Variants in SNX7 observed in about 807,000 individuals in gnomAD.
SNX7 encodes sorting nexin 7, also known as sorting nexin-7.
A neutral mutation model predicts 48.4 loss-of-function variants in SNX7; 35 were observed. The ratio of observed to expected loss-of-function variants is 0.72; its 90% CI spans 0.55 to 0.96. The LOEUF (loss-of-function observed/expected upper bound fraction) is 0.96, where lower values mean the gene tolerates loss of function less well. Ranked by LOEUF, SNX7 falls within the 40% of genes least tolerant of loss-of-function variation. SNX7 has a pLI of 0.00. For missense variants in SNX7, 553 were observed against 548.9 expected (o/e 1.01, Z -0.07); for synonymous variants, 190 against 190.2 (o/e 1.00, Z 0.01).
chr1:98,744,999 A>C (rs187470538), intron 8 of SNX7, among the ~76,000 whole-genome samples: 428 of 152,204 alleles, frequency 2.8e-3, no homozygotes, highest in Middle Eastern at 6.8e-3. Flanking sequence ...ACAATACTGG[A>C]ACAATGTTTC....
chr1:98,711,166 G>A (rs192140348), intron 7 of SNX7, among the ~76,000 whole-genome samples: 6 of 152,098 alleles, frequency 3.9e-5, no homozygotes, highest in Admixed American at 6.5e-5. Context: ...ACAGGTACAC[G>A]CCACCACGCC....
chr1:98,684,993 TTCA>T lies in SNX7; in HGVS notation c.293_295del (p.Ile98del). The T allele has an allele frequency of 6.3e-7, 1 of 1,595,862 alleles. No homozygotes were observed. The highest frequency in any genetic ancestry group is 8.5e-7 in the Non-Finnish European group (1 of 1,169,690). On this transcript the variant is annotated inframe_deletion, in exon 2 of 9. Transcript: ENST00000306121. ...GGATGAACCAGATTTAAAGGATCTC[TTCA>T]TCACAGTTGATGAACCTGAAAGTCA...
chr1:98,692,380 G>A (rs1282194009), intron 4 of SNX7, among the ~76,000 whole-genome samples: 1 of 152,028 alleles, frequency 6.6e-6, no homozygotes, highest in African/African-American at 2.4e-5. Context: ...TGAAATGGAG[G>A]GCAATGACAG....
chr1:98,715,924 C>G (rs1652567116), intron 7 of SNX7, among the ~76,000 whole-genome samples: 1 of 152,132 alleles, frequency 6.6e-6, no homozygotes, highest in African/African-American at 2.4e-5. Flanking sequence ...TTCACACACA[C>G]ACACACACGT....
intron 8 of SNX7, among the ~76,000 whole-genome samples, chr1:98,747,376 C>A (rs991637831): frequency 6.6e-6 from 1 of 152,058 alleles, no homozygotes; most frequent in Non-Finnish European, 1.5e-5. Context: ...TTGGAATCTT[C>A]GATAGCAATT....
At chr1:98,750,137 AG>A (rs1654510986) in intron 8 of SNX7, among the ~76,000 whole-genome samples, 1 of 151,958 alleles carries the variant, frequency 6.6e-6, no homozygotes, top group Non-Finnish European at 1.5e-5. Flanking sequence ...TATTATTATT[AG>A]GTAAATGTCT....
At chr1:98,681,029 G>A (rs543311881) in intron 1 of SNX7, among the ~76,000 whole-genome samples, 45 of 152,280 alleles carry the variant, frequency 3.0e-4, no homozygotes, top group African/African-American at 1.1e-3. Context: ...ACATACCTGA[G>A]ACTGGGGCAT....
At chr1:98,702,215 T>G (rs1250639018) in intron 7 of SNX7, among the ~76,000 whole-genome samples, 2 of 152,164 alleles carry the variant, frequency 1.3e-5, no homozygotes, top group Non-Finnish European at 2.9e-5. Context: ...TATTCCAGGC[T>G]AGTAAGTACT....
intron 7 of SNX7, among the ~76,000 whole-genome samples, chr1:98,703,613 G>T (rs1651863234): frequency 6.6e-6 from 1 of 151,770 alleles, no homozygotes; most frequent in South Asian, 2.1e-4. Flanking sequence ...TTTTCTATTT[G>T]ATAAGAAACA....
chr1:98,684,639 C>T (rs986340192), intron 1 of SNX7, among the ~76,000 whole-genome samples: 2 of 152,130 alleles, frequency 1.3e-5, no homozygotes, highest in Non-Finnish European at 1.5e-5. Context: ...GGAACAGAAA[C>T]ATTCAAACCA....
chr1:98,715,610 A>C lies in SNX7; in HGVS notation c.1125+13707A>C, dbSNP rs183568807. On this transcript the variant is annotated intron_variant, in intron 7 of 8. Coordinates refer to ENST00000306121, the MANE Select transcript of SNX7 (RefSeq NM_015976.5). ...TTATTATCATTACTTGTTTTGATGC[A>C]CGAGTTACCCAAATTTGATGAGTGG... Among the ~76,000 whole-genome samples the C allele has an allele frequency of 3.7e-3, 561 of 152,324 alleles. 4 individuals are homozygous for C. The highest frequency in any genetic ancestry group is 0.013 in the African/African-American group (522 of 41,582).
At chr1:98,672,646 C>G (rs867229734) in intron 1 of SNX7, among the ~76,000 whole-genome samples, 2 of 151,614 alleles carry the variant, frequency 1.3e-5, no homozygotes, top group Non-Finnish European at 2.9e-5. Context: ...TTCAAGTGGC[C>G]GGGCGCGGTG....
At chr1:98,718,716 T>C (rs6678214) in intron 7 of SNX7, among the ~76,000 whole-genome samples, 42,287 of 152,102 alleles carry the variant, frequency 0.28, 6,200 homozygotes, top group Middle Eastern at 0.31. Flanking sequence ...AAGCACATCC[T>C]ATTGTTAGTT....
At chr1:98,663,102 C>A (rs1056570244) in intron 1 of SNX7, among the ~76,000 whole-genome samples, 1 of 152,106 alleles carries the variant, frequency 6.6e-6, no homozygotes, top group South Asian at 2.1e-4. Context: ...TTCAGATCAA[C>A]GACAGTTGGC....
At chr1:98,727,538 C>T (rs1653248963) in intron 7 of SNX7, among the ~76,000 whole-genome samples, 1 of 152,034 alleles carries the variant, frequency 6.6e-6, no homozygotes. Context: ...GATGAACTGA[C>T]AGAAGTAGAC....
chr1:98,737,857 A>G (rs1459261548), intron 7 of SNX7, among the ~76,000 whole-genome samples: 1 of 152,232 alleles, frequency 6.6e-6, no homozygotes, highest in African/African-American at 2.4e-5. Context: ...GAAAGACACC[A>G]TATCTTTTAA....
At position 98,691,517 on chromosome 1, in the gene SNX7, T is replaced by C; in HGVS notation, c.475-18T>C. On this transcript the variant is annotated intron_variant, in intron 3 of 8. Transcript: ENST00000306121. ...GGCTAATAATACTTGAATACCTTTT[T>C]AATTTTTTTTGCCTTAGCCATTGCC... is the stretch of plus-strand genomic sequence containing the variant. 6.4e-7 allele frequency: 1 copy of C among 1,554,152 alleles called. No individual in the cohort carries two copies. The highest frequency in any genetic ancestry group is 2.3e-5 in the East Asian group (1 of 43,156).
intron 4 of SNX7, among the ~76,000 whole-genome samples, chr1:98,694,166 C>T (rs965406385): frequency 1.9e-4 from 29 of 151,596 alleles, no homozygotes; most frequent in Admixed American, 1.3e-3. Context: ...GTCAGGAGAT[C>T]GAGACCATCT....
intron 1 of SNX7, among the ~76,000 whole-genome samples, chr1:98,666,148 T>C (rs1053198101): frequency 1.6e-4 from 25 of 152,356 alleles, no homozygotes; most frequent in Admixed American, 1.4e-3. Context: ...ATCACTCTGA[T>C]AAAAATCAGA....
Sources: allele counts gnomAD v4.1 joint callset (sites outside exome capture counted in the v4.1 genomes callset), GRCh38; gene constraint gnomAD v4.1.1; transcripts MANE v1.5; gene names NCBI Gene and HGNC (gene_info 2026-07-23, HGNC 2026-07-21).